Variants in EZH1 observed in about 807,000 individuals in gnomAD.
EZH1 encodes the protein histone-lysine N-methyltransferase EZH1.
EZH1 carries 33 observed loss-of-function variants against 100.5 expected under a neutral mutation model. The observed-to-expected ratio is 0.33, with a 90% CI of 0.25 to 0.44. The LOEUF is 0.44. Ranked by LOEUF, EZH1 falls within the 20% of genes least tolerant of loss-of-function variation. The pLI is 1.00. For missense variants in EZH1, 475 were observed against 928.4 expected (o/e 0.51, Z 6.35); for synonymous variants, 272 against 313.8 (o/e 0.87, Z 1.41).
rs1224476174 is a variant in EZH1, at chr17:42,745,039, C to G, written c.-131G>C. ...CCATCCCGAGCCGCGGGTCCCGCTG[C>G]TAGGACGCATGCGCGCCGCGGCCCC... On this transcript the variant is annotated 5_prime_UTR_variant, in exon 1 of 21. Coordinates refer to ENST00000428826, the MANE Select transcript of EZH1 (RefSeq NM_001991.5). 2.4e-6 allele frequency: 3 copies of G among 1,268,398 alleles called. No individual in the cohort carries two copies. The highest frequency in any genetic ancestry group is 2.6e-5 in the South Asian group (2 of 77,674). The allele number at this position is 1,268,398 out of a possible 1,614,324, so 78.6% of individuals were successfully genotyped here. A position where few individuals can be genotyped will look rare whatever the true frequency, so the allele number is the denominator to read the frequency against.
intron 12 of EZH1, among the ~76,000 whole-genome samples, chr17:42,711,036 C>T (rs1567987592): frequency 1.3e-5 from 2 of 152,140 alleles, no homozygotes; most frequent in Admixed American, 6.5e-5. Flanking sequence ...GACATGCTGG[C>T]CCTGACAGCT....
rs116540337 is a variant in EZH1 at position 42,718,650 on chromosome 17, G to A, written c.768-33C>T. ...AGAAAAGAGAGATAAGAGTTCCTCCGAGGAACTGCCTCCACTGAGGAAATA... is the reference window on the plus strand; with the variant it reads ...AGAAAAGAGAGATAAGAGTTCCTCCAAGGAACTGCCTCCACTGAGGAAATA... On this transcript the variant is annotated intron_variant, in intron 8 of 20. Transcript: ENST00000428826. The surrounding 1 kb of genome is among the most constrained non-coding windows in gnomAD (Gnocchi z 4.2). 5,055 of 1,610,978 alleles carry A rather than the reference G, an allele frequency of 3.1e-3. 85 individuals carry two copies. The African/African-American group carries it at 0.036, about 11-fold the overall frequency.
Position 42,713,159 on chromosome 17 carries a change from C to T in EZH1, c.1204+50G>A, listed in dbSNP as rs768461630. 4.4e-6 allele frequency: 7 copies of T among 1,577,812 alleles called. No individual in the cohort carries two copies. The East Asian group carries it at 1.4e-4, about 31-fold the overall frequency. On this transcript the variant is annotated intron_variant, in intron 11 of 20. Transcript: ENST00000428826. ...GTGTCAGGCAGTGATCCTGGGTTTA[C>T]CAGAGTCCTTGCATGGAAAGAAAAA...
intron 10 of EZH1, among the ~76,000 whole-genome samples, chr17:42,715,748 C>T (rs892924469): frequency 2.0e-5 from 3 of 151,906 alleles, no homozygotes; most frequent in Admixed American, 6.6e-5. Flanking sequence ...AGATTAAAAA[C>T]GAGTAAAAAG....
chr17:42,710,169 G>A (rs751560340), intron 12 of EZH1, among the ~76,000 whole-genome samples: 20 of 152,130 alleles, frequency 1.3e-4, no homozygotes, highest in Non-Finnish European at 2.4e-4. Context: ...CAGTAATACC[G>A]CCCCTGGTCA....
intron 6 of EZH1, among the ~76,000 whole-genome samples, chr17:42,721,496 G>T (rs1271883680): frequency 1.3e-5 from 2 of 152,126 alleles, no homozygotes; most frequent in Non-Finnish European, 2.9e-5. Context: ...AAATGGTCTT[G>T]GATGTCCTTA....
intron 5 of EZH1, 102 bp from the exon 6 acceptor site, chr17:42,723,017 C>T: frequency 7.0e-7 from 1 of 1,437,808 alleles, no homozygotes; most frequent in African/African-American, 1.5e-5. Context: ...GCTTGAGTCT[C>T]CTGAAAATGC....
chr17:42,722,393 G>C (rs2053726890), intron 6 of EZH1, among the ~76,000 whole-genome samples: 1 of 151,918 alleles, frequency 6.6e-6, no homozygotes. Context: ...AGGAGGCCGA[G>C]ATAGGTGGAT....
rs558631111 is a variant in EZH1 at position 42,706,530 on chromosome 17, T to TA, written c.1661-346dup. ...GGAGATCCTGTCTCCACAAAAAAAT[T>TA]AAAAAAAAAAATAGCCATGTGTGGT... On this transcript the variant is annotated intron_variant, in intron 15 of 20. Coordinates refer to ENST00000428826, the MANE Select transcript of EZH1 (RefSeq NM_001991.5). This position sits in a 1 kb window ranked among gnomAD's most constrained non-coding sequence, Gnocchi z 4.4. Among the ~76,000 whole-genome samples, 1,731 of 145,012 alleles carry TA rather than the reference T, an allele frequency of 0.012. 14 individuals carry two copies. The highest frequency in any genetic ancestry group is 0.016 in the Admixed American group (232 of 14,556).
intron 5 of EZH1, 149 bp from the exon 6 acceptor site, chr17:42,723,064 C>T: frequency 2.4e-6 from 3 of 1,260,630 alleles, no homozygotes; most frequent in Admixed American, 2.6e-5. Flanking sequence ...AAACACTGGC[C>T]ATTTTGTTTG....
chr17:42,744,968 GGCCCGGCCCCACC>G, intron 1 of EZH1, 30 bp downstream of exon 1: 2 of 1,256,612 alleles, frequency 1.6e-6, no homozygotes, highest in Non-Finnish European at 2.1e-6. Context: ...GAGGGGAGGA[GGCCCGGCCCCACC>G]GCCCGGCCCA....
intron 2 of EZH1, among the ~76,000 whole-genome samples, chr17:42,730,262 G>A (rs1294282312): frequency 6.6e-6 from 1 of 152,024 alleles, no homozygotes; most frequent in Non-Finnish European, 1.5e-5. Context: ...TGGTCAGCAA[G>A]AACCAAGTTT....
intron 1 of EZH1, among the ~76,000 whole-genome samples, chr17:42,742,972 C>T (rs1221653953): frequency 6.6e-6 from 1 of 151,740 alleles, no homozygotes; most frequent in Non-Finnish European, 1.5e-5. Flanking sequence ...CAGGTTCAAG[C>T]GATTCTCGTG....
At chr17:42,712,653 T>C (rs1458346558) in intron 11 of EZH1, among the ~76,000 whole-genome samples, 168 bp from the exon 12 acceptor site, 1 of 151,734 alleles carries the variant, frequency 6.6e-6, no homozygotes, top group Non-Finnish European at 1.5e-5. Flanking sequence ...CTGTAATCCC[T>C]GCATTTTGGG....
intron 1 of EZH1, among the ~76,000 whole-genome samples, chr17:42,737,247 A>G (rs2054083201): frequency 1.3e-5 from 2 of 152,132 alleles, no homozygotes; most frequent in Admixed American, 6.6e-5. Context: ...TGGCCTCCCA[A>G]AGTGCTGGGA....
chr17:42,710,924 A>G (rs1393435051), intron 12 of EZH1, among the ~76,000 whole-genome samples: 2 of 151,206 alleles, frequency 1.3e-5, no homozygotes, highest in African/African-American at 4.9e-5. Flanking sequence ...TGCCCAGTCC[A>G]TGGTTCTATT....
intron 1 of EZH1, among the ~76,000 whole-genome samples, chr17:42,740,931 A>G (rs948163996): frequency 2.6e-5 from 4 of 152,368 alleles, no homozygotes; most frequent in African/African-American, 9.6e-5. Flanking sequence ...TGATTGACTG[A>G]TAGACTAAGG....
chr17:42,732,701 G>A (rs1357032424), intron 1 of EZH1, among the ~76,000 whole-genome samples: 12 of 152,108 alleles, frequency 7.9e-5, no homozygotes, highest in Admixed American at 7.2e-4. Context: ...CCCAGGGGGC[G>A]GAGCCTGCAG....
intron 16 of EZH1, 85 bp downstream of exon 16, chr17:42,705,922 G>A: frequency 7.5e-7 from 1 of 1,332,014 alleles, no homozygotes; most frequent in Non-Finnish European, 1.0e-6. Context: ...AGCCTCAAAA[G>A]AACCAGTGGA....
Sources: gnomAD v4.1 joint callset for allele counts (sites outside exome capture counted in the v4.1 genomes callset) on GRCh38, gnomAD v4.1.1 for gene constraint, Gnocchi (gnomAD v3.1) non-coding constraint, MANE v1.5 for transcripts, NCBI Gene and HGNC (gene_info 2026-07-23, HGNC 2026-07-21) for gene names.